LRRC7: variants seen among roughly 807,000 people sequenced by gnomAD.
LRRC7 encodes leucine-rich repeat-containing protein 7.
LRRC7 carries 23 observed loss-of-function variants against 175.7 expected under a neutral mutation model. That is an observed-to-expected ratio of 0.13 (90% CI 0.09 to 0.19). The LOEUF is 0.19. LRRC7 is among the 10% of genes least tolerant of loss of function. The pLI is 1.00. For missense variants in LRRC7, 1,354 were observed against 1,904.7 expected, an observed-to-expected ratio of 0.71 and a Z score of 5.38; for synonymous variants, 685 against 680.9, an observed-to-expected ratio of 1.01 and a Z score of -0.09.
intron 2 of LRRC7, among the ~76,000 whole-genome samples, chr1:69,721,652 A>G (rs1666364070): frequency 6.6e-6 from 1 of 151,708 alleles, no homozygotes; most frequent in African/African-American, 2.4e-5. Flanking sequence ...TATCTGGATA[A>G]TTTTCATTAA....
At position 70,100,473 on chromosome 1, in the gene LRRC7, T is replaced by C. The variant is rs537655276; in HGVS notation, c.4546-7279T>C. ...CATTATATTGCCACTAAGAGATTTGTGATCCCATAGTCCATTTCTTTGGGT... is the reference window on the plus strand; with the variant it reads ...CATTATATTGCCACTAAGAGATTTGCGATCCCATAGTCCATTTCTTTGGGT... On this transcript the variant is annotated intron_variant, in intron 25 of 26. Transcript: ENST00000651989. 9.2e-5 allele frequency among the ~76,000 whole-genome samples: 14 copies of C among 152,252 alleles called. No homozygotes were observed. The East Asian group carries it at 2.5e-3, about 27-fold the overall frequency.
intron 7 of LRRC7, among the ~76,000 whole-genome samples, chr1:69,897,717 T>C (rs1225095436): frequency 1.3e-5 from 2 of 152,208 alleles, no homozygotes; most frequent in South Asian, 2.1e-4. Context: ...TTTCTGCTTA[T>C]AAACCAAAAT....
At chr1:69,728,523 TG>T (rs1417035375) in intron 2 of LRRC7, among the ~76,000 whole-genome samples, 1 of 152,194 alleles carries the variant, frequency 6.6e-6, no homozygotes, top group Admixed American at 6.5e-5. Context: ...AGATAGTTAT[TG>T]CTACATCAAA....
At chr1:69,916,878 AT>A (rs1233656951) in intron 7 of LRRC7, among the ~76,000 whole-genome samples, 2 of 152,166 alleles carry the variant, frequency 1.3e-5, no homozygotes, top group East Asian at 3.8e-4. Flanking sequence ...AGAAAATAAA[AT>A]AGGGTAATAT....
At chr1:69,926,183 C>T (rs868431781) in intron 7 of LRRC7, among the ~76,000 whole-genome samples, 1,546 of 142,300 alleles carry the variant, frequency 0.011, 26 homozygotes, top group African/African-American at 0.037. Context: ...TTATAATTTC[C>T]GTTCTTTTAC....
intron 25 of LRRC7, among the ~76,000 whole-genome samples, chr1:70,103,464 G>T (rs1664938752): frequency 6.6e-6 from 1 of 152,100 alleles, no homozygotes; most frequent in African/African-American, 2.4e-5. Context: ...ACCATTGGTA[G>T]CTTTGAAGAT....
At chr1:69,962,681 T>C (rs1373211026) in intron 8 of LRRC7, among the ~76,000 whole-genome samples, 1 of 152,144 alleles carries the variant, frequency 6.6e-6, no homozygotes, top group East Asian at 1.9e-4. Context: ...TGCAGGAACA[T>C]GGATGGAGCT....
intron 24 of LRRC7, among the ~76,000 whole-genome samples, chr1:70,082,676 T>A (rs1016210768): frequency 6.6e-6 from 1 of 151,932 alleles, no homozygotes; most frequent in Non-Finnish European, 1.5e-5. Flanking sequence ...AAAAATGCAT[T>A]TGAGTTTCTG....
chr1:69,947,387 T>C (rs767645582), intron 8 of LRRC7, among the ~76,000 whole-genome samples: 4 of 151,986 alleles, frequency 2.6e-5, no homozygotes, highest in Non-Finnish European at 4.4e-5. Context: ...TTATAGTTAT[T>C]TGTTTTGACT....
At chr1:70,096,432 C>A (rs936570726) in intron 25 of LRRC7, among the ~76,000 whole-genome samples, 1 of 152,126 alleles carries the variant, frequency 6.6e-6, no homozygotes, top group African/African-American at 2.4e-5. Flanking sequence ...ACCACATTTC[C>A]ATTAAAAGGG....
chr1:69,915,365 GT>G lies in LRRC7; in HGVS notation c.648-16138del, dbSNP rs758273760. On this transcript the variant is annotated intron_variant, in intron 7 of 26. Coordinates refer to ENST00000651989, the MANE Select transcript of LRRC7 (RefSeq NM_001370785.2). ...CCTACTTAAATAAACCTAGGGCTGT[GT>G]TTTCATAAATTAAGTATGTCTATGA... 1.1e-4 allele frequency among the ~76,000 whole-genome samples: 16 copies of G among 152,206 alleles called. No individual in the cohort carries two copies. The South Asian group carries it at 1.5e-3, about 14-fold the overall frequency.
At chr1:70,108,315 CT>C (rs1665283594) in intron 26 of LRRC7, among the ~76,000 whole-genome samples, 1 of 152,040 alleles carries the variant, frequency 6.6e-6, no homozygotes, top group South Asian at 2.1e-4. Context: ...TATAAGGTGA[CT>C]TTTAAAAATG....
chr1:69,707,543 C>A (rs1365300249), intron 2 of LRRC7, among the ~76,000 whole-genome samples: 1 of 152,030 alleles, frequency 6.6e-6, no homozygotes, highest in Admixed American at 6.6e-5. Context: ...ATTATTTATT[C>A]TCAACTCTGT....
intron 16 of LRRC7, chr1:70,022,151 GT>G (rs1485772832): frequency 1.3e-5 from 2 of 152,034 alleles, no homozygotes; most frequent in Non-Finnish European, 2.9e-5. Context: ...AAAGATTTGG[GT>G]TTTAAAAAAA....
intron 2 of LRRC7, among the ~76,000 whole-genome samples, chr1:69,740,648 G>A (rs963106016): frequency 2.6e-5 from 4 of 152,128 alleles, no homozygotes; most frequent in Middle Eastern, 3.4e-3. Context: ...TGCCTTATTC[G>A]AACAGGGTTC....
intron 7 of LRRC7, among the ~76,000 whole-genome samples, chr1:69,894,905 G>T (rs141846248): frequency 6.6e-6 from 1 of 152,228 alleles, no homozygotes; most frequent in East Asian, 1.9e-4. Flanking sequence ...ACAAACAGTG[G>T]CCGTTATCAA....
intron 1 of LRRC7, among the ~76,000 whole-genome samples, chr1:69,619,133 A>G (rs1650155925): frequency 6.6e-6 from 1 of 152,050 alleles, no homozygotes; most frequent in Admixed American, 6.6e-5. Context: ...ATCAAAATGT[A>G]TGTCCCTTTC....
intron 2 of LRRC7, among the ~76,000 whole-genome samples, chr1:69,744,483 G>A (rs1376093448): frequency 6.6e-6 from 1 of 151,806 alleles, no homozygotes; most frequent in African/African-American, 2.4e-5. Context: ...GTTCATTTCT[G>A]TAGCTTGTTT....
chr1:69,749,604 G>C (rs774530144), intron 2 of LRRC7, among the ~76,000 whole-genome samples: 1 of 152,052 alleles, frequency 6.6e-6, no homozygotes, highest in Admixed American at 6.6e-5. Flanking sequence ...GATGTTTTAA[G>C]ATTTACAAAT....
Sources: allele counts gnomAD v4.1 joint callset (sites outside exome capture counted in the v4.1 genomes callset), GRCh38; gene constraint gnomAD v4.1.1; transcripts MANE v1.5; gene names NCBI Gene and HGNC (gene_info 2026-07-23, HGNC 2026-07-21).